The following UNC80 variants were observed in gnomAD, a reference collection of about 807,000 sequenced individuals.
UNC80 encodes unc-80 subunit of NALCN channel complex, also known as protein unc-80 homolog.
In UNC80, 164 loss-of-function variants were observed where a neutral mutation model predicts 384.6. The ratio of observed to expected loss-of-function variants is 0.43; its 90% CI spans 0.38 to 0.49. UNC80 has a LOEUF of 0.49. UNC80 is among the 20% of genes least tolerant of loss of function. The probability of loss-of-function intolerance (pLI) is 0.00; values close to 1 mark genes in which losing one functional copy is unlikely to be tolerated. For missense variants in UNC80, 3,330 were observed against 4,143.0 expected (o/e 0.80, Z 5.39); for synonymous variants, 1,486 against 1,527.8 (o/e 0.97, Z 0.64).
At chr2:209,843,037 C>A (rs142643074) in intron 21 of UNC80, among the ~76,000 whole-genome samples, 2,035 of 152,254 alleles carry the variant, frequency 0.013, 49 homozygotes, top group African/African-American at 0.045. Flanking sequence ...ATATGTTATC[C>A]ATTTCGTGTT....
chr2:209,984,537 C>G (rs2093238712), intron 60 of UNC80, among the ~76,000 whole-genome samples: 1 of 152,170 alleles, frequency 6.6e-6, no homozygotes, highest in African/African-American at 2.4e-5. Flanking sequence ...GTAGTTTCAT[C>G]TTCTACAGAT....
intron 27 of UNC80, among the ~76,000 whole-genome samples, chr2:209,895,020 GA>G (rs1380688793): frequency 6.6e-6 from 1 of 152,130 alleles, no homozygotes; most frequent in Non-Finnish European, 1.5e-5. Context: ...AGATAAATTA[GA>G]AGATGACCAT....
chr2:209,878,189 C>T, intron 24 of UNC80, 100 bp downstream of exon 24: 1 of 1,228,902 alleles, frequency 8.1e-7, no homozygotes, highest in Non-Finnish European at 1.1e-6. Context: ...CTTACCACCT[C>T]CCCATGTCTT....
chr2:209,979,915 G>T (rs1424020785), intron 59 of UNC80, among the ~76,000 whole-genome samples: 1 of 152,170 alleles, frequency 6.6e-6, no homozygotes, highest in East Asian at 1.9e-4. Flanking sequence ...AATTAACTAA[G>T]ATGAATAAAA....
chr2:209,817,650 G>A (rs562976284), intron 10 of UNC80, among the ~76,000 whole-genome samples, 162 bp from the exon 11 acceptor site: 36 of 152,246 alleles, frequency 2.4e-4, no homozygotes, highest in Admixed American at 2.0e-3. Context: ...TCCTGACCCT[G>A]AATATCCCCA....
intron 18 of UNC80, among the ~76,000 whole-genome samples, chr2:209,838,268 C>T (rs1389707892): frequency 6.7e-6 from 1 of 148,218 alleles, no homozygotes; most frequent in African/African-American, 2.5e-5. Context: ...ACCCCCCACC[C>T]CGCACCCCTC....
chr2:209,939,336 C>T (rs1309335980), intron 42 of UNC80, 136 bp from the exon 43 acceptor site: 2 of 822,618 alleles, frequency 2.4e-6, no homozygotes, highest in Non-Finnish European at 1.8e-6. Context: ...CACATGTCTC[C>T]CTCATTTCAC....
intron 41 of UNC80, 126 bp downstream of exon 41, chr2:209,937,059 C>A: frequency 1.6e-6 from 1 of 637,760 alleles, no homozygotes; most frequent in Non-Finnish European, 2.8e-6. Context: ...CTGGGTCACA[C>A]CATCTTACTA....
rs1407579543 is a variant in UNC80 at position 209,954,260 on chromosome 2, G to A, written c.7447G>A (p.Val2483Ile). 1 of 1,520,038 alleles carries A rather than the reference G, an allele frequency of 6.6e-7. No individual in the cohort carries two copies. The highest frequency in any genetic ancestry group is 1.8e-4 in the Middle Eastern group (1 of 5,556). The allele number at this position is 1,520,038 out of a possible 1,614,324, so 94.2% of individuals were successfully genotyped here. A position where few individuals can be genotyped will look rare whatever the true frequency, so the allele number is the denominator to read the frequency against. Residue 2483 changes from valine to isoleucine, a missense_variant, in exon 48 of 65, where the codon GTC becomes ATC. This residue lies in a region of UNC80 where 1,049 missense variants were observed against 1,488.6 expected (regional missense o/e 0.70). Transcript: ENST00000673920. ...SLQALLYSVE[V>I]LTRPMTAPQM... ...ACAGGCCCTTTTGTACAGTGTAGAG[G>A]TCCTCACCAGGTAATCCCATTGGCA...
intron 22 of UNC80, among the ~76,000 whole-genome samples, chr2:209,853,288 T>G (rs1214183486): frequency 1.3e-5 from 2 of 152,138 alleles, no homozygotes; most frequent in Non-Finnish European, 2.9e-5. Flanking sequence ...TTAGAATAGT[T>G]TCATTGTTTT....
intron 48 of UNC80, among the ~76,000 whole-genome samples, chr2:209,956,725 T>A (rs2092432847): frequency 6.6e-6 from 1 of 152,188 alleles, no homozygotes; most frequent in Admixed American, 6.5e-5. Context: ...GAGAAGACTC[T>A]CTGCTTTTGA....
At chr2:209,807,323 G>T (rs192811044) in intron 7 of UNC80, among the ~76,000 whole-genome samples, 5 of 150,582 alleles carry the variant, frequency 3.3e-5, no homozygotes, top group African/African-American at 9.8e-5. Flanking sequence ...GAGTTGAAAA[G>T]AACTTTTCTA....
chr2:209,807,261 T>A (rs1445689251), intron 7 of UNC80, among the ~76,000 whole-genome samples: 2 of 152,158 alleles, frequency 1.3e-5, no homozygotes, highest in Non-Finnish European at 2.9e-5. Context: ...TTTTATAACA[T>A]TTTCATTTTT....
chr2:209,856,304 T>C (rs2082912772), intron 22 of UNC80, among the ~76,000 whole-genome samples: 1 of 152,166 alleles, frequency 6.6e-6, no homozygotes, highest in African/African-American at 2.4e-5. Flanking sequence ...TGGAAGATTA[T>C]CTTTTATTGC....
chr2:209,784,026 C>T (rs1315584865), intron 4 of UNC80, among the ~76,000 whole-genome samples: 1 of 152,118 alleles, frequency 6.6e-6, no homozygotes, highest in African/African-American at 2.4e-5. Flanking sequence ...TAAAACTAGG[C>T]TTCTGAAATC....
chr2:209,907,223 T>C (rs1026074985), intron 29 of UNC80, among the ~76,000 whole-genome samples: 2 of 151,160 alleles, frequency 1.3e-5, no homozygotes, highest in African/African-American at 4.9e-5. Context: ...CGTTCATCTA[T>C]TCAACAGGCT....
chr2:209,780,966 T>C (rs1298002196), intron 4 of UNC80, among the ~76,000 whole-genome samples: 1 of 152,180 alleles, frequency 6.6e-6, no homozygotes, highest in Non-Finnish European at 1.5e-5. Flanking sequence ...TTCAGACTAA[T>C]GTTTCTGCAA....
chr2:209,833,620 T>G (rs1445688358), intron 16 of UNC80, among the ~76,000 whole-genome samples: 1 of 152,242 alleles, frequency 6.6e-6, no homozygotes, highest in Non-Finnish European at 1.5e-5. Context: ...AAATCTCTAA[T>G]GTAAACAAAT....
chr2:209,817,009 A>C lies in UNC80; in HGVS notation c.1436A>C (p.His479Pro), dbSNP rs770636853. 1 of 1,551,690 alleles carries C rather than the reference A, an allele frequency of 6.4e-7. No homozygotes were observed. Reference sequence around the variant, plus strand: ...AGAATGGGAGTGCCCTTCCTGCTTCACGAGGACCACCTGGATGTGTCCCCC... The same window carrying C: ...AGAATGGGAGTGCCCTTCCTGCTTCCCGAGGACCACCTGGATGTGTCCCCC... ...PRRMGVPFLL[H>P]EDHLDVSPTR... Residue 479 changes from histidine to proline, a missense_variant, in exon 10 of 65, where the codon CAC becomes CCC. Coordinates refer to ENST00000673920, the MANE Select transcript of UNC80 (RefSeq NM_001371986.1).
Sources: allele counts gnomAD v4.1 joint callset (sites outside exome capture counted in the v4.1 genomes callset), GRCh38; gene constraint gnomAD v4.1.1; regional missense constraint gnomAD v4.1.1; transcripts MANE v1.5; gene names NCBI Gene and HGNC (gene_info 2026-07-23, HGNC 2026-07-21).